LRMDA: variants seen among roughly 807,000 people sequenced by gnomAD.
LRMDA encodes leucine rich melanocyte differentiation associated.
Under a neutral mutation model 29.8 loss-of-function variants are expected in LRMDA, and 18 were observed. The ratio of observed to expected loss-of-function variants is 0.60; its 90% CI spans 0.42 to 0.90. The LOEUF (loss-of-function observed/expected upper bound fraction) is 0.90. LRMDA is among the 40% of genes least tolerant of loss of function. The pLI is 0.00. For missense variants in LRMDA, 273 were observed against 273.9 expected, an observed-to-expected ratio of 1.00 and a Z score of 0.02; for synonymous variants, 125 against 109.4, an observed-to-expected ratio of 1.14 and a Z score of -0.89.
intron 2 of LRMDA, among the ~76,000 whole-genome samples, chr10:75,558,099 T>C (rs1188160721): frequency 1.3e-5 from 2 of 151,872 alleles, no homozygotes; most frequent in East Asian, 1.9e-4. Context: ...GAGAAAGGAT[T>C]GGGAAATGTA....
At chr10:76,333,145 G>A (rs1840924475) in intron 6 of LRMDA, among the ~76,000 whole-genome samples, 1 of 152,106 alleles carries the variant, frequency 6.6e-6, no homozygotes, top group Non-Finnish European at 1.5e-5. Context: ...AAAGCACAAG[G>A]ACAAGAACAG....
chr10:76,432,615 GA>G (rs1842202799), intron 6 of LRMDA, among the ~76,000 whole-genome samples: 2 of 152,146 alleles, frequency 1.3e-5, no homozygotes, highest in Non-Finnish European at 2.9e-5. Flanking sequence ...GGGTCTAAAG[GA>G]AAATATCATT....
chr10:75,591,422 C>T (rs1840723189), intron 2 of LRMDA, among the ~76,000 whole-genome samples: 1 of 152,190 alleles, frequency 6.6e-6, no homozygotes, highest in African/African-American at 2.4e-5. Flanking sequence ...GACTGATGTG[C>T]CCCAGGTATA....
At chr10:75,917,563 A>C (rs1845955666) in intron 2 of LRMDA, among the ~76,000 whole-genome samples, 1 of 152,230 alleles carries the variant, frequency 6.6e-6, no homozygotes, top group Admixed American at 6.5e-5. Flanking sequence ...TAAATCCGGA[A>C]TCGGGAGAGT....
intron 2 of LRMDA, among the ~76,000 whole-genome samples, chr10:75,989,401 G>T (rs1847319637): frequency 6.6e-6 from 1 of 152,188 alleles, no homozygotes; most frequent in African/African-American, 2.4e-5. Context: ...AGGAGGGAGA[G>T]AAGGGGGAGG....
chr10:76,127,374 T>C (rs180976707), intron 5 of LRMDA, among the ~76,000 whole-genome samples: 26 of 152,320 alleles, frequency 1.7e-4, no homozygotes, highest in Admixed American at 4.6e-4. Flanking sequence ...ACGCCAGCCA[T>C]CTTCCTGCGA....
At chr10:75,606,461 T>C (rs1564520897) in intron 2 of LRMDA, among the ~76,000 whole-genome samples, 2 of 152,218 alleles carry the variant, frequency 1.3e-5, no homozygotes, top group Non-Finnish European at 2.9e-5. Context: ...ATTTTCTCAC[T>C]GACTCCCAGT....
chr10:75,855,033 T>C (rs1185196820), intron 2 of LRMDA, among the ~76,000 whole-genome samples: 2 of 152,214 alleles, frequency 1.3e-5, no homozygotes, highest in African/African-American at 2.4e-5. Flanking sequence ...AACATACGTG[T>C]GCATGTGTCT....
chr10:76,042,417 G>T (rs1251543734), intron 3 of LRMDA, among the ~76,000 whole-genome samples: 3 of 152,186 alleles, frequency 2.0e-5, no homozygotes, highest in African/African-American at 7.2e-5. Flanking sequence ...CCTTGCCCAG[G>T]AAAGTCCCAT....
intron 5 of LRMDA, among the ~76,000 whole-genome samples, chr10:76,068,979 A>G (rs1241458370): frequency 2.0e-5 from 3 of 152,230 alleles, no homozygotes; most frequent in African/African-American, 4.8e-5. Context: ...CAAATGGTCC[A>G]TTGAGAAGCA....
At chr10:75,766,338 T>G (rs758438609) in intron 2 of LRMDA, among the ~76,000 whole-genome samples, 25 of 152,324 alleles carry the variant, frequency 1.6e-4, no homozygotes, top group Middle Eastern at 3.4e-3. Flanking sequence ...TTTGCTGGTC[T>G]GTCCCAGTGC....
intron 5 of LRMDA, among the ~76,000 whole-genome samples, chr10:76,227,842 A>G (rs1368774138): frequency 6.6e-6 from 1 of 152,144 alleles, no homozygotes; most frequent in Non-Finnish European, 1.5e-5. Flanking sequence ...AGAGGGATAT[A>G]GAGGTATAAG....
intron 5 of LRMDA, among the ~76,000 whole-genome samples, chr10:76,290,557 G>A (rs566069102): frequency 1.3e-5 from 2 of 151,800 alleles, no homozygotes; most frequent in African/African-American, 2.4e-5. Context: ...CCAGTAGCTG[G>A]GATTACAGGC....
intron 5 of LRMDA, among the ~76,000 whole-genome samples, chr10:76,119,423 C>G (rs997677373): frequency 6.6e-6 from 1 of 152,094 alleles, no homozygotes; most frequent in Admixed American, 6.5e-5. Flanking sequence ...CTCCCTGAAA[C>G]TGCAGGGGCT....
At chr10:75,491,098 G>T (rs575462717) in intron 2 of LRMDA, among the ~76,000 whole-genome samples, 1 of 152,296 alleles carries the variant, frequency 6.6e-6, no homozygotes, top group Admixed American at 6.5e-5. Context: ...CATTTTCTTT[G>T]AAGCTTGAAT....
chr10:76,144,761 G>C (rs1850278495), intron 5 of LRMDA, among the ~76,000 whole-genome samples: 2 of 152,098 alleles, frequency 1.3e-5, no homozygotes, highest in African/African-American at 4.8e-5. Context: ...GGGCATCCCT[G>C]TCTTGTGCCT....
rs866082916 is a variant in LRMDA, at chr10:76,222,829, C to T, written c.517-101572C>T. On this transcript the variant is annotated intron_variant, in intron 5 of 6. Transcript: ENST00000611255. ...GACACATGCACATGTATGTTTATTG[C>T]GGCACTATTCACAATAGCAAAGACT... 4.5e-3 allele frequency among the ~76,000 whole-genome samples: 690 copies of T among 152,050 alleles called. 9 individuals are homozygous for T. Among genetic ancestry groups the T allele is most frequent in the African/African-American group, 0.011 (466 of 41,472 alleles).
At chr10:75,641,718 G>A (rs1201465882) in intron 2 of LRMDA, among the ~76,000 whole-genome samples, 1 of 152,020 alleles carries the variant, frequency 6.6e-6, no homozygotes, top group African/African-American at 2.4e-5. Flanking sequence ...CAGATTACAG[G>A]TGTGAGCCAA....
intron 5 of LRMDA, among the ~76,000 whole-genome samples, chr10:76,189,896 C>T (rs1851215197): frequency 6.6e-6 from 1 of 152,164 alleles, no homozygotes; most frequent in Non-Finnish European, 1.5e-5. Flanking sequence ...AAGATGCGCC[C>T]TGCACACAGT....
Sources: allele counts gnomAD v4.1 joint callset (sites outside exome capture counted in the v4.1 genomes callset), GRCh38; gene constraint gnomAD v4.1.1; transcripts MANE v1.5; gene names NCBI Gene and HGNC (gene_info 2026-07-23, HGNC 2026-07-21).